Variants in HERC3 observed in about 807,000 individuals in gnomAD.
HERC3 encodes probable E3 ubiquitin-protein ligase HERC3.
Under a neutral mutation model 129.9 loss-of-function variants are expected in HERC3, and 58 were observed. The observed-to-expected ratio is 0.45, with a 90% CI of 0.36 to 0.56. The LOEUF is 0.56. HERC3 is among the 20% of genes least tolerant of loss of function. HERC3 has a pLI of 0.00. For missense variants in HERC3, 835 were observed against 1,244.2 expected (o/e 0.67, Z 4.95); for synonymous variants, 430 against 451.0 (o/e 0.95, Z 0.59).
the HERC3 span, among the ~76,000 whole-genome samples, chr4:88,543,150 C>T: frequency 2.0e-5 from 3 of 152,148 alleles, no homozygotes; most frequent in African/African-American, 7.2e-5. Context: ...GTCAAATTGT[C>T]CCTGTTTGCA....
chr4:88,662,309 G>A lies in HERC3; in HGVS notation c.1147-122G>A, dbSNP rs572117443. 699 of 932,406 alleles carry A rather than the reference G, an allele frequency of 7.5e-4. 14 individuals are homozygous for A. The South Asian group carries it at 0.012, about 15-fold the overall frequency. The allele number at this position is 932,406 out of a possible 1,614,324, so 57.8% of individuals were successfully genotyped here. A position where few individuals can be genotyped will look rare whatever the true frequency, so the allele number is the denominator to read the frequency against. ...TCTGAAGGGTGGAGGGGATCTGGGC[G>A]GCACACTGCAGCATTTAGATCATAA... On this transcript the variant is annotated intron_variant, in intron 10 of 25. Transcript: ENST00000402738.
At chr4:88,636,746 A>G (rs1727452965) in intron 3 of HERC3, among the ~76,000 whole-genome samples, 1 of 152,210 alleles carries the variant, frequency 6.6e-6, no homozygotes, top group Admixed American at 6.5e-5. Context: ...TTGGAAGTAA[A>G]ACACACCTCA....
At chr4:88,630,460 C>T (rs764485313) in intron 3 of HERC3, among the ~76,000 whole-genome samples, 3 of 152,182 alleles carry the variant, frequency 2.0e-5, no homozygotes, top group South Asian at 2.1e-4. Context: ...TAATGTTATA[C>T]GCTTGCATTA....
intron 1 of HERC3, chr4:88,593,121 C>A (rs1721914578): frequency 6.6e-6 from 1 of 152,124 alleles, no homozygotes; most frequent in African/African-American, 2.4e-5. Flanking sequence ...ACGCGGTGCA[C>A]GGCGTCCGCG....
At chr4:88,527,563 A>G in the HERC3 span, 3 of 201,948 alleles carry the variant, frequency 1.5e-5, no homozygotes, top group Non-Finnish European at 3.0e-5. Flanking sequence ...GCACAGCCCA[A>G]CTTGCTCTTT....
At chr4:88,548,741 A>G in the HERC3 span, among the ~76,000 whole-genome samples, 1 of 151,416 alleles carries the variant, frequency 6.6e-6, no homozygotes, top group Admixed American at 6.6e-5. Flanking sequence ...GCTCATGGCA[A>G]CCTCTGCCTC....
the HERC3 span, among the ~76,000 whole-genome samples, chr4:88,549,574 C>T: frequency 6.6e-6 from 1 of 152,072 alleles, no homozygotes; most frequent in Non-Finnish European, 1.5e-5. Flanking sequence ...TTTTGATTTT[C>T]TGTTTCTGCA....
the HERC3 span, among the ~76,000 whole-genome samples, chr4:88,546,572 C>T: frequency 6.7e-6 from 1 of 148,618 alleles, no homozygotes; most frequent in African/African-American, 2.5e-5. Context: ...TGCAGTGGTG[C>T]GATCATGGCT....
At chr4:88,671,746 A>G (rs1322356674) in intron 16 of HERC3, among the ~76,000 whole-genome samples, 2 of 151,972 alleles carry the variant, frequency 1.3e-5, no homozygotes, top group Non-Finnish European at 1.5e-5. Flanking sequence ...CTGGCCTTGA[A>G]CTCATGAGCT....
intron 3 of HERC3, among the ~76,000 whole-genome samples, chr4:88,635,987 C>T (rs1357290397): frequency 6.6e-6 from 1 of 152,150 alleles, no homozygotes; most frequent in African/African-American, 2.4e-5. Flanking sequence ...CTTACAAGAG[C>T]TCCTGAAGGA....
In HERC3 at chr4:88,650,890, T is replaced by C. The variant is rs75168749; in HGVS notation, c.386+891T>C. Among the ~76,000 whole-genome samples the C allele has an allele frequency of 6.8e-3, 1,030 of 152,336 alleles. 12 individuals are homozygous for C. The highest frequency in any genetic ancestry group is 0.024 in the African/African-American group (980 of 41,578). On this transcript the variant is annotated intron_variant, in intron 4 of 25. Coordinates refer to ENST00000402738, the MANE Select transcript of HERC3 (RefSeq NM_014606.3). ...TCCTCTGCCTAATTATCGTCCCCTT[T>C]AAAGAACAGCATATTCTTCTTCCTC...
chr4:88,529,664 G>A, the HERC3 span, among the ~76,000 whole-genome samples: 1 of 151,748 alleles, frequency 6.6e-6, no homozygotes, highest in Non-Finnish European at 1.5e-5. Context: ...TGAGGCAGGA[G>A]AATCGCTTGA....
chr4:88,594,223 A>G (rs1312949896), intron 1 of HERC3, among the ~76,000 whole-genome samples: 1 of 152,350 alleles, frequency 6.6e-6, no homozygotes, highest in Non-Finnish European at 1.5e-5. Flanking sequence ...TTCATTCTGA[A>G]GACCAAATTT....
chr4:88,653,158 G>T (rs1395552611), intron 6 of HERC3, 68 bp downstream of exon 6: 20 of 1,448,946 alleles, frequency 1.4e-5, no homozygotes, highest in Non-Finnish European at 1.6e-5. Context: ...GCTTCTTGAG[G>T]ATCTACTATG....
rs375815355 is a variant in HERC3, at chr4:88,662,535, C to T, written c.1251C>T (p.His417=). The stretch of plus-strand genomic sequence containing the variant: ...TTTGGAGACAAAAACTCTCAGAACA[C>T]AACAATGCAAATACAATCAAGTATG... ...IAVWRQKLSE[H]NNANTINGVV... Residue 417 remains histidine, a synonymous_variant, in exon 11 of 26, where the codon CAC becomes CAT. Transcript: ENST00000402738. 3.7e-5 allele frequency: 60 copies of T among 1,611,874 alleles called. No homozygotes were observed. Among genetic ancestry groups the T allele is most frequent in the Non-Finnish European group, 5.0e-5 (59 of 1,179,404 alleles).
chr4:88,547,867 G>T, the HERC3 span, among the ~76,000 whole-genome samples: 1 of 152,122 alleles, frequency 6.6e-6, no homozygotes, highest in Non-Finnish European at 1.5e-5. Context: ...CGTTAGCCAG[G>T]CTGGTGTCGA....
At chr4:88,689,939 C>A in intron 23 of HERC3, 1 of 870,684 alleles carries the variant, frequency 1.1e-6, no homozygotes, top group Non-Finnish European at 1.4e-6. Context: ...ATTCATTAAC[C>A]ATTTTTTTTT....
intron 4 of HERC3, among the ~76,000 whole-genome samples, chr4:88,650,886 C>A (rs1318252723): frequency 6.6e-6 from 1 of 152,080 alleles, no homozygotes; most frequent in South Asian, 2.1e-4. Context: ...ATTATCGTCC[C>A]CTTTAAAGAA....
intron 1 of HERC3, chr4:88,593,611 G>T (rs1037821497): frequency 1.3e-5 from 2 of 152,168 alleles, no homozygotes; most frequent in African/African-American, 4.8e-5. Context: ...AAGCCTTCCA[G>T]GATTTTGCTT....
Sources: gnomAD v4.1 joint callset for allele counts (sites outside exome capture counted in the v4.1 genomes callset) on GRCh38, gnomAD v4.1.1 for gene constraint, MANE v1.5 for transcripts, NCBI Gene and HGNC (gene_info 2026-07-23, HGNC 2026-07-21) for gene names.